Variants in TAFA5 observed in about 807,000 individuals in gnomAD.
TAFA5 encodes chemokine-like protein TAFA-5.
TAFA5 carries 6 observed loss-of-function variants against 15.3 expected under a neutral mutation model. The observed-to-expected ratio is 0.39, with a 90% CI of 0.21 to 0.77. The LOEUF (loss-of-function observed/expected upper bound fraction) is 0.77, where lower values mean the gene tolerates loss of function less well. Ranked by LOEUF, TAFA5 falls within the 30% of genes least tolerant of loss-of-function variation. TAFA5 has a pLI of 0.41. For synonymous variants in TAFA5, 103 were observed against 80.7 expected, an observed-to-expected ratio of 1.28 and a Z score of -1.48; for missense variants, 161 against 193.1, an observed-to-expected ratio of 0.83 and a Z score of 0.98.
At chr22:48,617,620 G>A (rs1925658105) in intron 1 of TAFA5, among the ~76,000 whole-genome samples, 2 of 152,346 alleles carry the variant, frequency 1.3e-5, no homozygotes, top group African/African-American at 4.8e-5. Flanking sequence ...AAAGAAACTG[G>A]GGATGCAGCA....
At chr22:48,641,748 C>T (rs1926688047) in intron 1 of TAFA5, among the ~76,000 whole-genome samples, 1 of 152,102 alleles carries the variant, frequency 6.6e-6, no homozygotes, top group Non-Finnish European at 1.5e-5. Context: ...AGCGGAAAGT[C>T]GGTGGGGGGA....
At chr22:48,661,684 A>G (rs6010571) in intron 2 of TAFA5, among the ~76,000 whole-genome samples, 3 of 152,178 alleles carry the variant, frequency 2.0e-5, no homozygotes, top group African/African-American at 7.2e-5. Context: ...TCGTTCCCCC[A>G]CCCTCCTGGA....
intron 1 of TAFA5, among the ~76,000 whole-genome samples, chr22:48,535,614 A>ATT (rs1922129444): frequency 6.6e-6 from 1 of 152,124 alleles, no homozygotes; most frequent in South Asian, 2.1e-4. Flanking sequence ...CACATCACAC[A>ATT]TGGTCACACC....
At chr22:48,738,088 C>T (rs1438208907) in intron 3 of TAFA5, among the ~76,000 whole-genome samples, 2 of 152,124 alleles carry the variant, frequency 1.3e-5, no homozygotes, top group African/African-American at 4.8e-5. Flanking sequence ...TTGGAGTGGA[C>T]GGAATGGGTG....
chr22:48,749,976 GTCCGTGA>G lies in TAFA5; in HGVS notation c.*130_*136del, dbSNP rs1930435723. The G allele has an allele frequency of 4.3e-6, 4 of 931,438 alleles. No individual in the cohort carries two copies. The highest frequency in any genetic ancestry group is 6.6e-6 in the Non-Finnish European group (4 of 602,876). 57.7% of individuals were successfully genotyped at this position (931,438 alleles called of 1,614,324 possible). On this transcript the variant is annotated 3_prime_UTR_variant, in exon 4 of 4. Transcript: ENST00000402357. Reference sequence around the variant, plus strand: ...CGCCCGCCCACTCCGTTTCCCTGTGGTCCGTGAAGGACGGCCTCAGGCCTTGGCATCC... The same window carrying G: ...CGCCCGCCCACTCCGTTTCCCTGTGGAGGACGGCCTCAGGCCTTGGCATCC...
At chr22:48,567,106 C>T (rs1185721979) in intron 1 of TAFA5, among the ~76,000 whole-genome samples, 8 of 152,194 alleles carry the variant, frequency 5.3e-5, no homozygotes, top group East Asian at 3.9e-4. Flanking sequence ...TTCCAGATTT[C>T]GGGTGGGAAC....
intron 1 of TAFA5, among the ~76,000 whole-genome samples, chr22:48,532,396 G>C (rs1161506134): frequency 5.9e-5 from 9 of 152,252 alleles, no homozygotes; most frequent in South Asian, 2.1e-4. Flanking sequence ...CGTATTTCAT[G>C]TTCTCAAGAG....
At chr22:48,549,429 T>C (rs1922787089) in intron 1 of TAFA5, among the ~76,000 whole-genome samples, 1 of 152,246 alleles carries the variant, frequency 6.6e-6, no homozygotes, top group Non-Finnish European at 1.5e-5. Flanking sequence ...ATCCGTGCTC[T>C]TCTGAACTTT....
chr22:48,687,626 G>C (rs1928405041), intron 2 of TAFA5, among the ~76,000 whole-genome samples: 1 of 152,100 alleles, frequency 6.6e-6, no homozygotes, highest in Admixed American at 6.6e-5. Context: ...GCCTCCCCTT[G>C]AGGCAGTGAC....
At chr22:48,595,179 G>T (rs866086941) in intron 1 of TAFA5, among the ~76,000 whole-genome samples, 3 of 152,170 alleles carry the variant, frequency 2.0e-5, no homozygotes, top group Non-Finnish European at 4.4e-5. Context: ...ATTGGGGCCC[G>T]CCAGTGGCAA....
chr22:48,725,279 G>A (rs1475530449), intron 3 of TAFA5, among the ~76,000 whole-genome samples: 1 of 152,130 alleles, frequency 6.6e-6, no homozygotes, highest in Non-Finnish European at 1.5e-5. Context: ...AGGATTGATT[G>A]ACCTCTGCCG....
At chr22:48,732,625 A>G (rs1157173385) in intron 3 of TAFA5, among the ~76,000 whole-genome samples, 1 of 152,200 alleles carries the variant, frequency 6.6e-6, no homozygotes, top group African/African-American at 2.4e-5. Flanking sequence ...ATGATGACAT[A>G]GGATTTCGAA....
At chr22:48,535,642 C>G (rs149913147) in intron 1 of TAFA5, among the ~76,000 whole-genome samples, 76 of 149,612 alleles carry the variant, frequency 5.1e-4, no homozygotes, top group African/African-American at 1.7e-3. Context: ...GTGATGAGCA[C>G]TCATGCATAC....
chr22:48,587,876 C>T (rs1440187836), intron 1 of TAFA5, among the ~76,000 whole-genome samples: 1 of 152,280 alleles, frequency 6.6e-6, no homozygotes, highest in Non-Finnish European at 1.5e-5. Flanking sequence ...CTTCTGCCTG[C>T]CCTCAGGGGC....
chr22:48,747,562 C>T (rs1930363366), intron 3 of TAFA5, among the ~76,000 whole-genome samples: 1 of 152,168 alleles, frequency 6.6e-6, no homozygotes, highest in African/African-American at 2.4e-5. Flanking sequence ...CTGCTTTCTT[C>T]TTACTGTTTA....
chr22:48,723,344 G>A (rs1489064543), intron 3 of TAFA5, among the ~76,000 whole-genome samples: 2 of 152,198 alleles, frequency 1.3e-5, no homozygotes, highest in African/African-American at 4.8e-5. Context: ...TACTTTAAAT[G>A]TCAGCTCCCC....
chr22:48,688,993 A>G (rs928595639), intron 2 of TAFA5, among the ~76,000 whole-genome samples: 6 of 57,548 alleles, frequency 1.0e-4, no homozygotes, highest in East Asian at 9.1e-4. Flanking sequence ...CTTGTCTCGG[A>G]AAAAAAAAAA....
chr22:48,496,720 C>T (rs1242166177), intron 1 of TAFA5, among the ~76,000 whole-genome samples: 1 of 152,150 alleles, frequency 6.6e-6, no homozygotes, highest in African/African-American at 2.4e-5. Flanking sequence ...AGGTGCACCG[C>T]AGGGAGAGTT....
At chr22:48,494,928 C>A (rs779588419) in intron 1 of TAFA5, among the ~76,000 whole-genome samples, 16 of 152,220 alleles carry the variant, frequency 1.1e-4, no homozygotes, top group Admixed American at 2.6e-4. Flanking sequence ...TGGCAGGAAT[C>A]GGGTGTGGAA....
Sources: gnomAD v4.1 joint callset for allele counts (sites outside exome capture counted in the v4.1 genomes callset) on GRCh38, gnomAD v4.1.1 for gene constraint, MANE v1.5 for transcripts, NCBI Gene and HGNC (gene_info 2026-07-23, HGNC 2026-07-21) for gene names.